The following RBM25 variants were observed in gnomAD, a reference collection of about 807,000 sequenced individuals.
RBM25 encodes RNA binding motif protein 25, also known as RNA-binding protein 25.
A neutral mutation model predicts 120.7 loss-of-function variants in RBM25; 19 were observed. The ratio of observed to expected loss-of-function variants is 0.16; its 90% confidence interval spans 0.11 to 0.23. RBM25 has a LOEUF of 0.23. Ranked by LOEUF, RBM25 falls within the 10% of genes least tolerant of loss-of-function variation. RBM25 has a pLI of 1.00. For missense variants in RBM25, 605 were observed against 1,041.5 expected, an observed-to-expected ratio of 0.58 and a Z score of 5.77; for synonymous variants, 390 against 326.7, an observed-to-expected ratio of 1.19 and a Z score of -2.09.
intron 2 of RBM25, among the ~76,000 whole-genome samples, chr14:73,074,087 A>G (rs1315880776): frequency 6.6e-6 from 1 of 152,242 alleles, no homozygotes; most frequent in African/African-American, 2.4e-5. Flanking sequence ...CAGCCATCAA[A>G]CAGATTAATA....
At chr14:73,109,531 C>T (rs770645213) in intron 14 of RBM25, 39 bp downstream of exon 14, 30 of 1,577,740 alleles carry the variant, frequency 1.9e-5, no homozygotes, top group African/African-American at 4.1e-5. Context: ...CGGTGGCTCA[C>T]GCCTGTAATC....
At chr14:73,097,286 C>T (rs1193279825) in intron 7 of RBM25, among the ~76,000 whole-genome samples, 186 bp downstream of exon 7, 9 of 141,696 alleles carry the variant, frequency 6.4e-5, no homozygotes, top group East Asian at 4.3e-4. Context: ...CTGTAACCTC[C>T]GCCTCCGGGG....
intron 6 of RBM25, among the ~76,000 whole-genome samples, chr14:73,094,810 G>GGTGTGT (rs60336075): frequency 1.2e-4 from 17 of 145,278 alleles, no homozygotes; most frequent in Admixed American, 1.4e-4. Flanking sequence ...ACAGGAGCGA[G>GGTGTGT]GTGTGTGTGT....
At position 73,111,349 on chromosome 14, in the gene RBM25, GAGA is replaced by G. The variant is rs1345505770; in HGVS notation, c.2018-173_2018-171del. On this transcript the variant is annotated intron_variant, in intron 15 of 18. Coordinates refer to ENST00000261973, the MANE Select transcript of RBM25 (RefSeq NM_021239.3). ...TATATCTGCAGCTGCCTCGAGTTCT[GAGA>G]AGAAGTGAAAAGTTTAATTTTCTAG... 7 of 864,694 alleles carry G rather than the reference GAGA, an allele frequency of 8.1e-6. No homozygotes were observed. The East Asian group carries it at 1.1e-4, about 13-fold the overall frequency. 53.6% of individuals were successfully genotyped at this position (864,694 alleles called of 1,614,324 possible). A position where few individuals can be genotyped will look rare whatever the true frequency, so the allele number is the denominator to read the frequency against.
At chr14:73,110,286 T>A (rs1410857271) in intron 14 of RBM25, among the ~76,000 whole-genome samples, 7 of 151,638 alleles carry the variant, frequency 4.6e-5, no homozygotes, top group Non-Finnish European at 1.0e-4. Context: ...GGGCAAGTGG[T>A]CCTCAGGCCT....
At position 73,080,905 on chromosome 14, in the gene RBM25, A is replaced by G. The variant is rs142966409; in HGVS notation, c.325-2589A>G. ...AGTGGCGTGATCTCAGCTCACTGCA[A>G]CCTCGCCATCCGGGGTTCAAGCAAT... On this transcript the variant is annotated intron_variant, in intron 4 of 18. Transcript: ENST00000261973. Among the ~76,000 whole-genome samples, 76 of 150,130 alleles carry G rather than the reference A, an allele frequency of 5.1e-4. 1 individual carries two copies. The East Asian group carries it at 0.014, about 28-fold the overall frequency.
At chr14:73,073,738 T>C (rs1895348275) in intron 2 of RBM25, among the ~76,000 whole-genome samples, 1 of 152,200 alleles carries the variant, frequency 6.6e-6, no homozygotes, top group Non-Finnish European at 1.5e-5. Flanking sequence ...TATTATGGAA[T>C]AGAATGCAGT....
intron 2 of RBM25, among the ~76,000 whole-genome samples, chr14:73,073,853 GTAATGTAAAAGTTTACAC>G (rs1384116388): frequency 1.3e-5 from 2 of 152,182 alleles, no homozygotes; most frequent in African/African-American, 4.8e-5. Flanking sequence ...TGCCAGAAGA[GTAATGTAAAAGTTTACAC>G]TACTGCTTTA....
At chr14:73,106,840 C>CTT (rs34359815) in intron 12 of RBM25, among the ~76,000 whole-genome samples, 35 of 143,014 alleles carry the variant, frequency 2.4e-4, no homozygotes, top group East Asian at 8.1e-4. Context: ...TATGTATATA[C>CTT]TTTTTTTTTT....
chr14:73,068,207 A>G, intron 1 of RBM25: 1 of 864,986 alleles, frequency 1.2e-6, no homozygotes. Context: ...TTTGGAACAA[A>G]TGTTTCCATT....
At chr14:73,068,324 G>GTACCA in intron 1 of RBM25, 1 of 755,112 alleles carries the variant, frequency 1.3e-6, no homozygotes, top group Admixed American at 1.9e-5. Context: ...TTCATGGTTG[G>GTACCA]AAGGTGTGCC....
At chr14:73,103,905 G>GTCTCTCTC (rs72346306) in intron 10 of RBM25, among the ~76,000 whole-genome samples, 218 of 91,712 alleles carry the variant, frequency 2.4e-3, no homozygotes, top group South Asian at 7.8e-3. Context: ...CTGTCTGTCT[G>GTCTCTCTC]TCTCTCTCTC....
At chr14:73,083,208 G>A (rs1402198798) in intron 4 of RBM25, among the ~76,000 whole-genome samples, 8 of 152,038 alleles carry the variant, frequency 5.3e-5, no homozygotes, top group Non-Finnish European at 8.8e-5. Context: ...TTAGGTTTAC[G>A]TGTTTATTTT....
At chr14:73,103,988 A>ACTCT (rs1566597550) in intron 10 of RBM25, among the ~76,000 whole-genome samples, 52 of 118,408 alleles carry the variant, frequency 4.4e-4, no homozygotes, top group African/African-American at 1.6e-3. Flanking sequence ...ACACACACAC[A>ACTCT]CACACACTCT....
At chr14:73,088,956 C>T (rs1428118442) in intron 6 of RBM25, among the ~76,000 whole-genome samples, 1 of 152,168 alleles carries the variant, frequency 6.6e-6, no homozygotes, top group South Asian at 2.1e-4. Context: ...GCCTGGCCAA[C>T]GTGGCGAAAC....
At chr14:73,080,639 C>G (rs1025025902) in intron 4 of RBM25, among the ~76,000 whole-genome samples, 2 of 152,020 alleles carry the variant, frequency 1.3e-5, no homozygotes, top group Admixed American at 1.3e-4. Flanking sequence ...TTGATATTAT[C>G]TGTTGACATG....
intron 9 of RBM25, chr14:73,102,595 TG>T (rs1896077517): frequency 6.6e-6 from 1 of 152,280 alleles, no homozygotes; most frequent in African/African-American, 2.4e-5. Flanking sequence ...TTTTTGTATT[TG>T]GTGGGCTGTC....
At position 73,119,565 on chromosome 14, in the gene RBM25, A is replaced by G. The variant is rs145467247; in HGVS notation, c.2440-148A>G. On this transcript the variant is annotated intron_variant, in intron 18 of 18. Transcript: ENST00000261973. ...CAGGCGTGAGCCACCACACCCGGCCACTAAAACAACCTTAAAATCTTAACT... is the reference window on the plus strand; with the variant it reads ...CAGGCGTGAGCCACCACACCCGGCCGCTAAAACAACCTTAAAATCTTAACT... 313 of 1,414,486 alleles carry G rather than the reference A, an allele frequency of 2.2e-4. No individual in the cohort carries two copies. The African/African-American group carries it at 3.8e-3, about 17-fold the overall frequency. 87.6% of individuals were successfully genotyped at this position (1,414,486 alleles called of 1,614,324 possible).
intron 1 of RBM25, among the ~76,000 whole-genome samples, chr14:73,070,724 A>G (rs1895266943): frequency 6.6e-6 from 1 of 152,040 alleles, no homozygotes; most frequent in South Asian, 2.1e-4. Flanking sequence ...TGAGTCAGGC[A>G]GATCGTGAGA....
Sources: allele counts gnomAD v4.1 joint callset (sites outside exome capture counted in the v4.1 genomes callset), GRCh38; gene constraint gnomAD v4.1.1; transcripts MANE v1.5; gene names NCBI Gene and HGNC (gene_info 2026-07-23, HGNC 2026-07-21).